The following NR6A1 variants were observed in gnomAD, a reference collection of about 807,000 sequenced individuals.
NR6A1 encodes the protein nuclear receptor subfamily 6 group A member 1.
NR6A1 carries 7 observed loss-of-function variants against 59.1 expected under a neutral mutation model. The ratio of observed to expected loss-of-function variants is 0.12; its 90% CI spans 0.07 to 0.22. The LOEUF (loss-of-function observed/expected upper bound fraction) is 0.22, where lower values mean the gene tolerates loss of function less well. Among genes scored for constraint, NR6A1 ranks in the 10% least tolerant of loss-of-function variants. The probability of loss-of-function intolerance (pLI) is 1.00; values close to 1 mark genes in which losing one functional copy is unlikely to be tolerated. For synonymous variants in NR6A1, 243 were observed against 236.1 expected, an observed-to-expected ratio of 1.03 and a Z score of -0.27; for missense variants, 468 against 611.6, an observed-to-expected ratio of 0.77 and a Z score of 2.48.
At chr9:124,547,940 T>A (rs1833649149) in intron 3 of NR6A1, among the ~76,000 whole-genome samples, 1 of 152,144 alleles carries the variant, frequency 6.6e-6, no homozygotes, top group Non-Finnish European at 1.5e-5. Context: ...AAAAATTGAA[T>A]AAGATCTGCT....
At chr9:124,702,485 TAC>T (rs1475181304) in intron 2 of NR6A1, among the ~76,000 whole-genome samples, 5 of 152,250 alleles carry the variant, frequency 3.3e-5, no homozygotes, top group African/African-American at 7.2e-5. Flanking sequence ...TTATCACTGA[TAC>T]AGTTTGGATG....
At chr9:124,548,696 C>T (rs1469673787) in intron 3 of NR6A1, among the ~76,000 whole-genome samples, 1 of 152,190 alleles carries the variant, frequency 6.6e-6, no homozygotes, top group African/African-American at 2.4e-5. Flanking sequence ...GCCACAGGAT[C>T]ACTGCCTCAC....
chr9:124,660,041 T>A (rs977056700), intron 2 of NR6A1, among the ~76,000 whole-genome samples: 2 of 152,186 alleles, frequency 1.3e-5, no homozygotes, highest in South Asian at 4.1e-4. Flanking sequence ...CCTTCATGGG[T>A]TGGAAAGTAT....
intron 9 of NR6A1, among the ~76,000 whole-genome samples, chr9:124,524,360 ACT>A (rs1375347970): frequency 1.3e-5 from 2 of 152,198 alleles, no homozygotes; most frequent in Non-Finnish European, 2.9e-5. Flanking sequence ...CATAAAATTC[ACT>A]CTTTTAAAGT....
chr9:124,582,938 C>G (rs1834816464), intron 2 of NR6A1, among the ~76,000 whole-genome samples: 2 of 152,102 alleles, frequency 1.3e-5, no homozygotes, highest in African/African-American at 4.8e-5. Context: ...AGAGATTACA[C>G]AAATCTATAT....
chr9:124,637,880 A>G (rs986506135), intron 2 of NR6A1, among the ~76,000 whole-genome samples: 24 of 131,936 alleles, frequency 1.8e-4, no homozygotes, highest in African/African-American at 6.6e-4. Flanking sequence ...CGACAGAGTG[A>G]GACTCCCTCT....
intron 7 of NR6A1, among the ~76,000 whole-genome samples, chr9:124,527,595 C>T (rs780131818): frequency 2.6e-5 from 4 of 152,218 alleles, no homozygotes; most frequent in Non-Finnish European, 5.9e-5. Context: ...TACAAATGAG[C>T]AACTGAAGTT....
chr9:124,700,047 G>C (rs1047430521), intron 2 of NR6A1, among the ~76,000 whole-genome samples: 8 of 151,786 alleles, frequency 5.3e-5, no homozygotes, highest in African/African-American at 1.7e-4. Flanking sequence ...ATGGAGTTTC[G>C]CCATGTTGGC....
chr9:124,695,240 CCAT>C (rs1355776509), intron 2 of NR6A1, among the ~76,000 whole-genome samples: 2 of 152,060 alleles, frequency 1.3e-5, no homozygotes, highest in Admixed American at 1.3e-4. Flanking sequence ...AAATTTTGCA[CCAT>C]GTTTGGTGGC....
chr9:124,553,911 G>A (rs554654238), intron 3 of NR6A1, among the ~76,000 whole-genome samples: 2 of 152,146 alleles, frequency 1.3e-5, no homozygotes, highest in African/African-American at 2.4e-5. Context: ...CACCAACCTA[G>A]ACACAGACTT....
rs2297604 is a variant in NR6A1 at position 124,526,939 on chromosome 9, A to C, written c.1080-39T>G. ...ACAGGTGTTAACAGTTGGCTGTGAC[A>C]CCAGTAGGGGCCAGGAAAGGGCAGC... On this transcript the variant is annotated intron_variant, in intron 7 of 9. Coordinates refer to ENST00000487099, the MANE Select transcript of NR6A1 (RefSeq NM_033334.4). 19,116 of 1,611,522 alleles carry C rather than the reference A, an allele frequency of 0.012. 650 individuals are homozygous for C. In the East Asian group the frequency reaches 0.15, roughly 12 times the overall value.
rs1841159137 is a variant in NR6A1 at position 124,771,267 on chromosome 9, C to G, written c.-148G>C. 2.5e-6 allele frequency: 1 copy of G among 400,556 alleles called. No individual in the cohort carries two copies. The highest frequency in any genetic ancestry group is 2.1e-5 in the African/African-American group (1 of 48,214). 24.8% of individuals were successfully genotyped at this position (400,556 alleles called of 1,614,324 possible). On this transcript the variant is annotated 5_prime_UTR_variant, in exon 1 of 10. Coordinates refer to ENST00000487099, the MANE Select transcript of NR6A1 (RefSeq NM_033334.4). ...TCTCTCTGGGCCCCGAGCCGCCCGG[C>G]TCCGCGCCGCTCCGCGCCCCTCCGC...
At chr9:124,625,390 T>C (rs1836208106) in intron 2 of NR6A1, among the ~76,000 whole-genome samples, 1 of 152,170 alleles carries the variant, frequency 6.6e-6, no homozygotes, top group African/African-American at 2.4e-5. Context: ...TGCAGTGGCA[T>C]GATCACAGCT....
chr9:124,753,284 G>A (rs1260911404), intron 1 of NR6A1, among the ~76,000 whole-genome samples: 1 of 152,172 alleles, frequency 6.6e-6, no homozygotes, highest in Admixed American at 6.5e-5. Context: ...GACCTTGGCA[G>A]ACAATAGCAT....
chr9:124,641,017 TTTAC>T (rs1197203034), intron 2 of NR6A1, among the ~76,000 whole-genome samples: 1 of 152,026 alleles, frequency 6.6e-6, no homozygotes, highest in African/African-American at 2.4e-5. Context: ...ACAGCAACCA[TTTAC>T]ATGGGTCTTA....
intron 1 of NR6A1, among the ~76,000 whole-genome samples, chr9:124,765,244 T>C (rs1564273216): frequency 6.6e-6 from 1 of 152,204 alleles, no homozygotes; most frequent in Non-Finnish European, 1.5e-5. Context: ...ATTGCATAAC[T>C]TTATTTGTCC....
intron 2 of NR6A1, among the ~76,000 whole-genome samples, chr9:124,593,162 C>T (rs999752743): frequency 1.1e-4 from 16 of 152,164 alleles, no homozygotes; most frequent in Admixed American, 2.6e-4. Flanking sequence ...AACTTTAGTG[C>T]ATTTAAAAAT....
At position 124,520,843 on chromosome 9, in the gene NR6A1, G is replaced by A. The variant is rs1276096065; in HGVS notation, c.*1862C>T. On this transcript the variant is annotated 3_prime_UTR_variant, in exon 10 of 10. Transcript: ENST00000487099. ...AAACATGCTAGCTGGAGCTTTTCCTGAGGAACATGTCTCTTCCTTCTCAGA... is the reference window on the plus strand; with the variant it reads ...AAACATGCTAGCTGGAGCTTTTCCTAAGGAACATGTCTCTTCCTTCTCAGA... The A allele has an allele frequency of 2.0e-5, 3 of 152,236 alleles. No individual in the cohort carries two copies. Among genetic ancestry groups the A allele is most frequent in the African/African-American group, 7.2e-5 (3 of 41,456 alleles). The allele number at this position is 152,236 out of a possible 1,614,324, so 9.4% of individuals were successfully genotyped here. A position where few individuals can be genotyped will look rare whatever the true frequency, so the allele number is the denominator to read the frequency against.
chr9:124,691,972 T>G (rs1838561227), intron 2 of NR6A1, among the ~76,000 whole-genome samples: 1 of 152,214 alleles, frequency 6.6e-6, no homozygotes, highest in Admixed American at 6.5e-5. Flanking sequence ...AGAAGCAGTA[T>G]GATGAGTGAG....
Sources: allele counts gnomAD v4.1 joint callset (sites outside exome capture counted in the v4.1 genomes callset), GRCh38; gene constraint gnomAD v4.1.1; transcripts MANE v1.5; gene names NCBI Gene and HGNC (gene_info 2026-07-23, HGNC 2026-07-21).